The following CEP162 variants were observed in gnomAD, a reference collection of about 807,000 sequenced individuals.
The protein encoded by CEP162 is centrosomal protein of 162 kDa.
CEP162 carries 141 observed loss-of-function variants against 169.2 expected under a neutral mutation model. The observed-to-expected ratio is 0.83, with a 90% CI of 0.73 to 0.96. The LOEUF is 0.96. Ranked by LOEUF, CEP162 falls within the 40% of genes least tolerant of loss-of-function variation. CEP162 has a pLI of 0.00. For missense variants in CEP162, 1,600 were observed against 1,587.2 expected, an observed-to-expected ratio of 1.01 and a Z score of -0.14; for synonymous variants, 540 against 526.4, an observed-to-expected ratio of 1.03 and a Z score of -0.35.
chr6:84,135,037 G>A (rs867716226), intron 25 of CEP162, among the ~76,000 whole-genome samples: 56 of 151,612 alleles, frequency 3.7e-4, no homozygotes, highest in African/African-American at 1.2e-3. Flanking sequence ...ATTTGCATAT[G>A]TACACACATG....
intron 23 of CEP162, among the ~76,000 whole-genome samples, chr6:84,151,402 G>A (rs1283700973): frequency 1.3e-5 from 2 of 151,922 alleles, no homozygotes; most frequent in African/African-American, 2.4e-5. Context: ...AAGCTGGGCT[G>A]GTAATTAAAA....
intron 13 of CEP162, among the ~76,000 whole-genome samples, chr6:84,180,710 C>T (rs1023397930): frequency 6.6e-6 from 1 of 151,734 alleles, no homozygotes; most frequent in African/African-American, 2.4e-5. Context: ...AACAGACAAA[C>T]AGAGAGCCAA....
chr6:84,206,012 G>A (rs1363659390), intron 6 of CEP162, among the ~76,000 whole-genome samples: 1 of 148,538 alleles, frequency 6.7e-6, no homozygotes, highest in Non-Finnish European at 1.5e-5. Flanking sequence ...CAACTTACAA[G>A]GGATGTGAAG....
In CEP162 at chr6:84,146,701, T is replaced by C; in HGVS notation, c.3856A>G (p.Ile1286Val). The stretch of plus-strand genomic sequence containing the variant: ...CCATTTCTTACCTCTTTCTGTAGAA[T>C]TTCTTCTCGAACTTCAGAAACTACG... ...SLVVSEVREEILQKEITKLLE... is the reference protein window; with the variant it reads ...SLVVSEVREEVLQKEITKLLE... Residue 1286 changes from isoleucine to valine, a missense_variant, in exon 25 of 27, where the codon ATT becomes GTT. Transcript: ENST00000403245. 6.4e-7 allele frequency: 1 copy of C among 1,560,166 alleles called. No individual in the cohort carries two copies. Among genetic ancestry groups the C allele is most frequent in the Non-Finnish European group, 8.7e-7 (1 of 1,149,980 alleles).
At chr6:84,223,344 C>T (rs1326572564) in intron 2 of CEP162, among the ~76,000 whole-genome samples, 1 of 151,168 alleles carries the variant, frequency 6.6e-6, no homozygotes, top group African/African-American at 2.4e-5. Context: ...ACTAAAAATA[C>T]AAAAATTAGC....
chr6:84,126,537 G>T (rs1391595896), intron 25 of CEP162, 25 bp from the exon 26 acceptor site: 1 of 1,449,988 alleles, frequency 6.9e-7, no homozygotes. Flanking sequence ...TGAAGCAAAT[G>T]AAAAACTATA....
intron 24 of CEP162, 97 bp from the exon 25 acceptor site, chr6:84,146,882 T>TA (rs2099519112): frequency 3.7e-6 from 2 of 546,940 alleles, no homozygotes; most frequent in Non-Finnish European, 6.3e-6. Context: ...AACTCTTATA[T>TA]ACTGTTGGTG....
intron 21 of CEP162, among the ~76,000 whole-genome samples, chr6:84,159,924 T>G (rs766300663): frequency 5.7e-4 from 86 of 152,192 alleles, no homozygotes; most frequent in Non-Finnish European, 1.1e-3. Flanking sequence ...TGATCCTTTC[T>G]TGGCCCTGAC....
intron 24 of CEP162, among the ~76,000 whole-genome samples, chr6:84,148,239 T>A (rs2129199390): frequency 6.6e-6 from 1 of 152,242 alleles, no homozygotes; most frequent in South Asian, 2.1e-4. Context: ...TGAAGTTAAG[T>A]TACAGACTTC....
intron 13 of CEP162, among the ~76,000 whole-genome samples, chr6:84,179,817 C>T (rs1036733508): frequency 6.6e-6 from 1 of 152,040 alleles, no homozygotes; most frequent in African/African-American, 2.4e-5. Flanking sequence ...CCTGAATAGA[C>T]CACTAACAGG....
rs563920051 is a variant in CEP162, at chr6:84,197,326, C to T, written c.836-2251G>A. On this transcript the variant is annotated intron_variant, in intron 9 of 26. Coordinates refer to ENST00000403245, the MANE Select transcript of CEP162 (RefSeq NM_014895.4). Reference sequence around the variant, plus strand: ...GTACTTTTCTAACTTGAGTTATTAACCTAAGCCATATTAAAATTAATTTAA... The same window carrying T: ...GTACTTTTCTAACTTGAGTTATTAATCTAAGCCATATTAAAATTAATTTAA... 1.1e-3 allele frequency among the ~76,000 whole-genome samples: 161 copies of T among 151,484 alleles called. 1 individual carries two copies. The highest frequency in any genetic ancestry group is 2.0e-3 in the Non-Finnish European group (137 of 67,920).
intron 2 of CEP162, 122 bp from the exon 3 acceptor site, chr6:84,221,293 T>C (rs1394495560): frequency 3.7e-6 from 2 of 533,350 alleles, no homozygotes; most frequent in East Asian, 3.0e-5. Context: ...ATAAATAACA[T>C]TCTCATCAAT....
rs57269636 is a variant in CEP162 at position 84,190,594 on chromosome 6, G to A, written c.1109+3015C>T. Among the ~76,000 whole-genome samples, 282 of 151,790 alleles carry A rather than the reference G, an allele frequency of 1.9e-3. 3 individuals carry two copies. Among genetic ancestry groups the A allele is most frequent in the Middle Eastern group, 0.01 (3 of 294 alleles). On this transcript the variant is annotated intron_variant, in intron 11 of 26. Transcript: ENST00000403245. ...GGAGGGAACGAACAACTCCAGACGC[G>A]CTGCCTTAAGAGCTGTAACACTCAC...
intron 25 of CEP162, among the ~76,000 whole-genome samples, chr6:84,142,177 C>G (rs1347415078): frequency 6.6e-6 from 1 of 152,138 alleles, no homozygotes; most frequent in Non-Finnish European, 1.5e-5. Context: ...AGATTATCTG[C>G]AAAGGGCAAA....
intron 25 of CEP162, among the ~76,000 whole-genome samples, chr6:84,142,116 C>T (rs766005524): frequency 1.3e-5 from 2 of 152,108 alleles, no homozygotes; most frequent in African/African-American, 2.4e-5. Flanking sequence ...TTTTTTTAAA[C>T]ACACTGCTAT....
intron 17 of CEP162, 64 bp from the exon 18 acceptor site, chr6:84,169,497 A>G: frequency 1.1e-6 from 1 of 919,742 alleles, no homozygotes; most frequent in African/African-American, 1.7e-5. Flanking sequence ...TCAGTAGAAA[A>G]TATTCAATTC....
intron 9 of CEP162, among the ~76,000 whole-genome samples, chr6:84,200,131 T>C (rs2099543884): frequency 6.6e-6 from 1 of 152,052 alleles, no homozygotes; most frequent in African/African-American, 2.4e-5. Context: ...CAAGCGCCTG[T>C]AGTCCCAGCT....
At chr6:84,209,691 G>A (rs1233126713) in intron 6 of CEP162, among the ~76,000 whole-genome samples, 2 of 152,114 alleles carry the variant, frequency 1.3e-5, no homozygotes, top group African/African-American at 4.8e-5. Flanking sequence ...AGCTACTGCT[G>A]TACTTAATCT....
chr6:84,139,660 T>C (rs562971508), intron 25 of CEP162, among the ~76,000 whole-genome samples: 18 of 152,210 alleles, frequency 1.2e-4, no homozygotes, highest in Non-Finnish European at 2.5e-4. Flanking sequence ...CCCAGATATC[T>C]GTCTATAGCA....
Sources: gnomAD v4.1 joint callset for allele counts (sites outside exome capture counted in the v4.1 genomes callset) on GRCh38, gnomAD v4.1.1 for gene constraint, MANE v1.5 for transcripts, NCBI Gene and HGNC (gene_info 2026-07-23, HGNC 2026-07-21) for gene names.